ARHGAP12: variants seen among roughly 807,000 people sequenced by gnomAD.
ARHGAP12 encodes Rho GTPase activating protein 12.
A neutral mutation model predicts 108.6 loss-of-function variants in ARHGAP12; 64 were observed. The observed-to-expected ratio is 0.59, with a 90% CI of 0.48 to 0.73. The LOEUF (loss-of-function observed/expected upper bound fraction) is 0.73. Among genes scored for constraint, ARHGAP12 ranks in the 30% least tolerant of loss-of-function variants. ARHGAP12 has a pLI of 0.00. For synonymous variants in ARHGAP12, 312 were observed against 337.2 expected (o/e 0.93, Z 0.82); for missense variants, 940 against 1,005.9 (o/e 0.93, Z 0.89).
intron 3 of ARHGAP12, among the ~76,000 whole-genome samples, chr10:31,904,775 T>A (rs562652509): frequency 6.6e-6 from 1 of 151,790 alleles, no homozygotes; most frequent in Non-Finnish European, 1.5e-5. Context: ...TACAGGCACA[T>A]GCCACTACAC....
chr10:31,839,280 T>A, intron 9 of ARHGAP12, 25 bp downstream of exon 9: 1 of 1,603,818 alleles, frequency 6.2e-7, no homozygotes, highest in Non-Finnish European at 8.5e-7. Flanking sequence ...CTATGCCTAT[T>A]AAGAAGGAGA....
chr10:31,839,183 G>A (rs1295257529), intron 9 of ARHGAP12, 122 bp downstream of exon 9: 6 of 1,023,052 alleles, frequency 5.9e-6, no homozygotes, highest in South Asian at 3.6e-5. Context: ...TCCAGTTTAG[G>A]AGAACTTACA....
At chr10:31,907,955 C>T (rs1218451625) in intron 3 of ARHGAP12, among the ~76,000 whole-genome samples, 1 of 152,164 alleles carries the variant, frequency 6.6e-6, no homozygotes, top group African/African-American at 2.4e-5. Flanking sequence ...CTAGTCCTGT[C>T]ATGGTATAAG....
At chr10:31,875,681 A>G (rs1403482937) in intron 3 of ARHGAP12, among the ~76,000 whole-genome samples, 1 of 152,220 alleles carries the variant, frequency 6.6e-6, no homozygotes, top group African/African-American at 2.4e-5. Flanking sequence ...CTGTGATAAA[A>G]TATACATAAC....
chr10:31,816,556 T>C (rs1211467872), intron 13 of ARHGAP12, among the ~76,000 whole-genome samples: 1 of 152,122 alleles, frequency 6.6e-6, no homozygotes, highest in Non-Finnish European at 1.5e-5. Context: ...CAAGAGACAG[T>C]GAACAGACTA....
At chr10:31,892,563 C>T (rs762188187) in intron 3 of ARHGAP12, among the ~76,000 whole-genome samples, 127 of 152,128 alleles carry the variant, frequency 8.3e-4, no homozygotes, top group Non-Finnish European at 1.1e-3. Flanking sequence ...CTATCCTAAA[C>T]ATATACGCAT....
At chr10:31,905,199 A>T (rs2808033) in intron 3 of ARHGAP12, among the ~76,000 whole-genome samples, 80,648 of 152,008 alleles carry the variant, frequency 0.53, 21,945 homozygotes, top group African/African-American at 0.64. Flanking sequence ...AAATTTGGCA[A>T]CTGATTATTA....
intron 15 of ARHGAP12, among the ~76,000 whole-genome samples, chr10:31,811,046 A>T (rs1370048083): frequency 6.6e-6 from 1 of 152,172 alleles, no homozygotes; most frequent in Non-Finnish European, 1.5e-5. Flanking sequence ...CTCAGCTAAA[A>T]TGTCACCTAC....
intron 3 of ARHGAP12, among the ~76,000 whole-genome samples, chr10:31,865,918 T>C (rs1837307442): frequency 6.6e-6 from 1 of 151,690 alleles, no homozygotes; most frequent in South Asian, 2.1e-4. Flanking sequence ...TAGAAGTCAT[T>C]AATATACACG....
intron 1 of ARHGAP12, among the ~76,000 whole-genome samples, chr10:31,917,529 G>A (rs557385709): frequency 6.6e-6 from 1 of 152,254 alleles, no homozygotes; most frequent in Non-Finnish European, 1.5e-5. Flanking sequence ...GGCTACCCAG[G>A]TATCTTCTCC....
At chr10:31,845,887 A>G (rs1836443297) in intron 6 of ARHGAP12, among the ~76,000 whole-genome samples, 2 of 152,228 alleles carry the variant, frequency 1.3e-5, no homozygotes, top group Non-Finnish European at 2.9e-5. Flanking sequence ...AGGTGTGTTT[A>G]GAGCATTTAC....
chr10:31,812,971 C>T (rs1835075756), intron 14 of ARHGAP12, 148 bp from the exon 15 acceptor site: 1 of 476,104 alleles, frequency 2.1e-6, no homozygotes, highest in African/African-American at 2.0e-5. Context: ...GGTTTAAGGA[C>T]AAGATGTGAA....
chr10:31,881,384 CAT>C (rs1243956351), intron 3 of ARHGAP12, among the ~76,000 whole-genome samples: 1 of 152,022 alleles, frequency 6.6e-6, no homozygotes, highest in Non-Finnish European at 1.5e-5. Flanking sequence ...ACAAAAAAAA[CAT>C]AAAATATCAA....
Position 31,807,613 on chromosome 10 carries a change from C to G in ARHGAP12, c.*45G>C. On this transcript the variant is annotated 3_prime_UTR_variant, in exon 20 of 20. Coordinates refer to ENST00000344936, the MANE Select transcript of ARHGAP12 (RefSeq NM_018287.7). Reference sequence around the variant, plus strand: ...TACATTGTGTATAAACATTTGAAATCTGATGGAATCCAGCTTCTATTCCAC... The same window carrying G: ...TACATTGTGTATAAACATTTGAAATGTGATGGAATCCAGCTTCTATTCCAC... The G allele has an allele frequency of 6.5e-7, 1 of 1,543,520 alleles. No homozygotes were observed. Among genetic ancestry groups the G allele is most frequent in the Middle Eastern group, 1.7e-4 (1 of 5,904 alleles).
At chr10:31,882,567 C>A (rs189485791) in intron 3 of ARHGAP12, among the ~76,000 whole-genome samples, 21 of 152,198 alleles carry the variant, frequency 1.4e-4, no homozygotes, top group African/African-American at 5.1e-4. Flanking sequence ...GTAATCCCAG[C>A]ACTTTGGGAG....
intron 3 of ARHGAP12, among the ~76,000 whole-genome samples, chr10:31,885,674 C>T (rs1838161890): frequency 1.3e-5 from 2 of 151,926 alleles, no homozygotes; most frequent in South Asian, 2.1e-4. Flanking sequence ...CAAAAATCAG[C>T]TGGGCATGGT....
At chr10:31,847,626 A>G (rs944297476) in intron 6 of ARHGAP12, among the ~76,000 whole-genome samples, 1 of 151,948 alleles carries the variant, frequency 6.6e-6, no homozygotes, top group African/African-American at 2.4e-5. Context: ...TCCTCTTCCC[A>G]CACTCTGCTT....
chr10:31,841,297 T>C (rs2132232991), intron 7 of ARHGAP12, among the ~76,000 whole-genome samples: 1 of 152,166 alleles, frequency 6.6e-6, no homozygotes, highest in South Asian at 2.1e-4. Flanking sequence ...CGGCTACCCT[T>C]CCAAGGTTAT....
intron 15 of ARHGAP12, among the ~76,000 whole-genome samples, chr10:31,811,068 C>T (rs1180088759): frequency 6.6e-6 from 1 of 152,204 alleles, no homozygotes; most frequent in African/African-American, 2.4e-5. Flanking sequence ...TTAATAACCC[C>T]TCTGACCATC....
Sources: gnomAD v4.1 joint callset for allele counts (sites outside exome capture counted in the v4.1 genomes callset) on GRCh38, gnomAD v4.1.1 for gene constraint, MANE v1.5 for transcripts, NCBI Gene and HGNC (gene_info 2026-07-23, HGNC 2026-07-21) for gene names.